The following ADAM2 variants were observed in gnomAD, a reference collection of about 807,000 sequenced individuals.
ADAM2 encodes the protein ADAM metallopeptidase domain 2, also known as disintegrin and metalloproteinase domain-containing protein 2.
A neutral mutation model predicts 99.3 loss-of-function variants in ADAM2; 101 were observed. The observed-to-expected ratio is 1.02, with a 90% CI of 0.87 to 1.20. The LOEUF (loss-of-function observed/expected upper bound fraction) is 1.20. ADAM2 is among the 50% of genes most tolerant of loss of function. The pLI, the probability that ADAM2 is intolerant of heterozygous loss-of-function variation, is 0.00. For synonymous variants in ADAM2, 323 were observed against 287.6 expected (o/e 1.12, Z -1.25); for missense variants, 948 against 878.7 (o/e 1.08, Z -1.00).
intron 7 of ADAM2, among the ~76,000 whole-genome samples, chr8:39,803,717 A>G (rs776578078): frequency 3.3e-5 from 5 of 152,226 alleles, no homozygotes; most frequent in Non-Finnish European, 7.3e-5. Context: ...AATCAAAATG[A>G]AAATAAGACT....
intron 10 of ADAM2, among the ~76,000 whole-genome samples, chr8:39,783,197 A>T (rs950477274): frequency 1.3e-5 from 2 of 152,122 alleles, no homozygotes; most frequent in Admixed American, 1.3e-4. Flanking sequence ...TCTCTGTAAG[A>T]TTTCAATCAT....
intron 15 of ADAM2, among the ~76,000 whole-genome samples, chr8:39,760,669 C>G (rs577850561): frequency 6.3e-4 from 96 of 151,236 alleles, no homozygotes; most frequent in African/African-American, 2.2e-3. Context: ...TGCAGTGAGC[C>G]GAGATAGTGC....
At chr8:39,753,498 C>T (rs1470282409) in intron 16 of ADAM2, among the ~76,000 whole-genome samples, 3 of 151,978 alleles carry the variant, frequency 2.0e-5, no homozygotes, top group African/African-American at 7.2e-5. Context: ...AATGAGGAGT[C>T]AAATGTTAGT....
intron 3 of ADAM2, among the ~76,000 whole-genome samples, chr8:39,830,276 T>C (rs1392321920): frequency 6.6e-6 from 1 of 152,132 alleles, no homozygotes; most frequent in Non-Finnish European, 1.5e-5. Flanking sequence ...ACAATAATTT[T>C]CAAATACAGG....
Position 39,744,844 on chromosome 8 carries a change from A to G in ADAM2, c.*16T>C, listed in dbSNP as rs1823383858. 2.5e-6 allele frequency: 4 copies of G among 1,589,538 alleles called. No individual in the cohort carries two copies. In the East Asian group the frequency reaches 9.0e-5, roughly 36 times the overall value. On this transcript the variant is annotated 3_prime_UTR_variant, in exon 20 of 21. Transcript: ENST00000265708. ...AAGAAACTCACAGTGATATCATGGC[A>G]TCTCTGTTGTCCAGACTACCCTTTA...
chr8:39,822,013 A>G (rs879482901), intron 4 of ADAM2, among the ~76,000 whole-genome samples: 1 of 152,114 alleles, frequency 6.6e-6, no homozygotes, highest in Non-Finnish European at 1.5e-5. Flanking sequence ...AAATGTTTTC[A>G]TTTGCAAATT....
At chr8:39,798,047 T>C (rs561209956) in intron 7 of ADAM2, among the ~76,000 whole-genome samples, 3 of 152,378 alleles carry the variant, frequency 2.0e-5, no homozygotes, top group Admixed American at 6.5e-5. Flanking sequence ...TCTTGCCTGA[T>C]GGCCCTGGCC....
intron 7 of ADAM2, among the ~76,000 whole-genome samples, chr8:39,790,739 CA>C (rs1215111826): frequency 3.3e-5 from 5 of 151,806 alleles, no homozygotes; most frequent in Admixed American, 2.0e-4. Flanking sequence ...AAAAAAGAAG[CA>C]GTTAGAACTT....
At chr8:39,792,100 A>G (rs1251918242) in intron 7 of ADAM2, among the ~76,000 whole-genome samples, 1 of 151,368 alleles carries the variant, frequency 6.6e-6, no homozygotes, top group Non-Finnish European at 1.5e-5. Context: ...TTTTTTTCTC[A>G]GCTCCAAGAA....
At position 39,769,544 on chromosome 8, in the gene ADAM2, A is replaced by G. The variant is rs779392786; in HGVS notation, c.1060T>C (p.Cys354Arg). Reference protein sequence around the residue: ...HFSGVKIFSNCSFEDFAHFIS... With the variant: ...HFSGVKIFSNRSFEDFAHFIS... ...AAATGTGCAAAGTCTTCGAAGCTGC[A>G]GTTACTAAAGATCTTCACACCACTG... Residue 354 changes from cysteine (C) to arginine (R), a missense_variant, in exon 12 of 21, where the codon TGC becomes CGC. Transcript: ENST00000265708. 1.2e-6 allele frequency: 2 copies of G among 1,613,804 alleles called. No homozygotes were observed. Among genetic ancestry groups the G allele is most frequent in the South Asian group, 2.2e-5 (2 of 91,060 alleles).
intron 16 of ADAM2, among the ~76,000 whole-genome samples, chr8:39,752,680 G>A (rs1034986936): frequency 1.3e-5 from 2 of 152,164 alleles, no homozygotes; most frequent in African/African-American, 2.4e-5. Flanking sequence ...CCACAATAAC[G>A]ACAGTGTCAT....
At chr8:39,812,664 A>G (rs1804754630) in intron 6 of ADAM2, among the ~76,000 whole-genome samples, 1 of 152,214 alleles carries the variant, frequency 6.6e-6, no homozygotes, top group South Asian at 2.1e-4. Context: ...TGACAAAAAC[A>G]AGAAATGGTT....
intron 9 of ADAM2, among the ~76,000 whole-genome samples, chr8:39,787,450 A>C: frequency 6.6e-6 from 1 of 151,520 alleles, no homozygotes; most frequent in East Asian, 1.9e-4. Context: ...TTAGCCTTCT[A>C]GAGACATGAA....
intron 15 of ADAM2, among the ~76,000 whole-genome samples, chr8:39,759,856 T>C (rs566908098): frequency 2.0e-4 from 31 of 152,252 alleles, no homozygotes; most frequent in African/African-American, 7.5e-4. Flanking sequence ...ACATTCTAGT[T>C]CTAATTTATT....
At chr8:39,813,401 C>A (rs1232593668) in intron 6 of ADAM2, among the ~76,000 whole-genome samples, 2 of 152,126 alleles carry the variant, frequency 1.3e-5, no homozygotes, top group Admixed American at 1.3e-4. Context: ...ACCATTTGAC[C>A]CAGCCATCCC....
At chr8:39,746,812 TC>T (rs1242320570) in intron 18 of ADAM2, among the ~76,000 whole-genome samples, 181 bp from the exon 19 acceptor site, 1 of 152,238 alleles carries the variant, frequency 6.6e-6, no homozygotes, top group African/African-American at 2.4e-5. Flanking sequence ...CTCTTGTAAC[TC>T]TTTTTAAAAT....
At chr8:39,787,720 T>A (rs1266836807) in intron 9 of ADAM2, among the ~76,000 whole-genome samples, 3 of 151,672 alleles carry the variant, frequency 2.0e-5, no homozygotes, top group Admixed American at 2.0e-4. Flanking sequence ...TTTGCTTACT[T>A]TTTAATTTAC....
chr8:39,792,709 CA>C (rs200864576), intron 7 of ADAM2, among the ~76,000 whole-genome samples: 8 of 149,894 alleles, frequency 5.3e-5, no homozygotes, highest in East Asian at 2.0e-4. Context: ...AGTATTTTGT[CA>C]AAAAAAAATT....
chr8:39,769,950 C>CTTTTTTTTTTTTTTTTTTTCT (rs60250805), intron 11 of ADAM2, among the ~76,000 whole-genome samples: 1 of 134,854 alleles, frequency 7.4e-6, no homozygotes, highest in African/African-American at 2.8e-5. Flanking sequence ...TTTCTTTTTT[C>CTTTTTTTTTTTTTTTTTTTCT]TTTTTTTTTT....
Sources: allele counts gnomAD v4.1 joint callset (sites outside exome capture counted in the v4.1 genomes callset), GRCh38; gene constraint gnomAD v4.1.1; transcripts MANE v1.5; gene names NCBI Gene and HGNC (gene_info 2026-07-23, HGNC 2026-07-21).